The following CAMK2D variants were observed in gnomAD, a reference collection of about 807,000 sequenced individuals.
CAMK2D encodes the protein calcium/calmodulin-dependent protein kinase type II subunit delta.
In CAMK2D, 37 loss-of-function variants were observed where a neutral mutation model predicts 84.0. The observed-to-expected ratio is 0.44, with a 90% CI of 0.34 to 0.58. The LOEUF is 0.58. CAMK2D is among the 20% of genes least tolerant of loss of function. CAMK2D has a pLI of 0.02. For missense variants in CAMK2D, 448 were observed against 652.5 expected (o/e 0.69, Z 3.41); for synonymous variants, 202 against 212.5 (o/e 0.95, Z 0.43).
intron 2 of CAMK2D, among the ~76,000 whole-genome samples, chr4:113,703,680 A>T (rs963912718): frequency 1.3e-5 from 2 of 152,166 alleles, no homozygotes; most frequent in Non-Finnish European, 2.9e-5. Flanking sequence ...ATTCTTTAAA[A>T]TCAAAATTTT....
intron 2 of CAMK2D, among the ~76,000 whole-genome samples, chr4:113,684,980 C>G (rs1475923680): frequency 6.6e-6 from 1 of 152,176 alleles, no homozygotes; most frequent in Non-Finnish European, 1.5e-5. Flanking sequence ...GAGCTGGCAG[C>G]AGATGACCAG....
chr4:113,497,381 T>C (rs1419677514), intron 16 of CAMK2D, among the ~76,000 whole-genome samples: 1 of 152,158 alleles, frequency 6.6e-6, no homozygotes, highest in Non-Finnish European at 1.5e-5. Context: ...AATTCAAAAG[T>C]ATTACACAGA....
At chr4:113,508,326 A>G (rs1472648587) in intron 13 of CAMK2D, 1 of 1,199,158 alleles carries the variant, frequency 8.3e-7, no homozygotes. Context: ...GGTTGAATTT[A>G]GAGTATCAAA....
rs910560851 is a variant in CAMK2D at position 113,512,867 on chromosome 4, G to A, written c.946+461C>T. 3.8e-4 allele frequency among the ~76,000 whole-genome samples: 58 copies of A among 152,128 alleles called. 1 individual carries two copies. The highest frequency in any genetic ancestry group is 2.7e-3 in the Admixed American group (41 of 15,272). ...ATTACAGGCGTGAGCCACCACGCCC[G>A]GCCAATAATGGTCTTCTTTTAAAAA... is the stretch of plus-strand genomic sequence containing the variant. On this transcript the variant is annotated intron_variant, in intron 12 of 20. Transcript: ENST00000511664.
At chr4:113,567,877 T>C (rs193028407) in intron 4 of CAMK2D, among the ~76,000 whole-genome samples, 33 of 152,310 alleles carry the variant, frequency 2.2e-4, no homozygotes, top group Middle Eastern at 6.8e-3. Flanking sequence ...TTATAATTAT[T>C]ATTGCTTCAA....
intron 2 of CAMK2D, among the ~76,000 whole-genome samples, chr4:113,707,979 A>AT (rs1173357287): frequency 2.6e-5 from 4 of 152,128 alleles, no homozygotes; most frequent in Non-Finnish European, 5.9e-5. Flanking sequence ...AAGATTTTGA[A>AT]TTTTCCAAAA....
At chr4:113,709,497 G>A (rs530718790) in intron 2 of CAMK2D, among the ~76,000 whole-genome samples, 11 of 151,424 alleles carry the variant, frequency 7.3e-5, no homozygotes, top group South Asian at 4.2e-4. Context: ...ATGGGTATAC[G>A]TACTTAGAAG....
In CAMK2D at chr4:113,587,304, AG is replaced by A. The variant is rs201625875; in HGVS notation, c.275+21847del. Among the ~76,000 whole-genome samples the A allele has an allele frequency of 7.7e-3, 1,167 of 152,330 alleles. 17 individuals are homozygous for A. The highest frequency in any genetic ancestry group is 0.026 in the African/African-American group (1,090 of 41,586). On this transcript the variant is annotated intron_variant, in intron 4 of 20. Coordinates refer to ENST00000511664, the MANE Select transcript of CAMK2D (RefSeq NM_001321571.2). ...ACAAATGTTCACTCTTATTAAGGCC[AG>A]ACATTCTTTTACAAAATCAAAATGA...
chr4:113,501,561 A>G (rs1342682780), intron 15 of CAMK2D, among the ~76,000 whole-genome samples: 2 of 152,100 alleles, frequency 1.3e-5, no homozygotes, highest in African/African-American at 4.8e-5. Flanking sequence ...TAAATATCAT[A>G]TACAATATTT....
chr4:113,615,653 A>G (rs941319523), intron 3 of CAMK2D, among the ~76,000 whole-genome samples: 7 of 152,186 alleles, frequency 4.6e-5, no homozygotes, highest in Non-Finnish European at 1.0e-4. Context: ...TAACTTGAGT[A>G]CATTAGAAAA....
At chr4:113,605,000 G>C (rs915393643) in intron 4 of CAMK2D, among the ~76,000 whole-genome samples, 13 of 152,178 alleles carry the variant, frequency 8.5e-5, no homozygotes, top group African/African-American at 2.9e-4. Flanking sequence ...TTGGCATAAG[G>C]ATTATTTTGA....
intron 16 of CAMK2D, among the ~76,000 whole-genome samples, chr4:113,478,388 T>C (rs555246087): frequency 4.6e-5 from 7 of 152,224 alleles, no homozygotes; most frequent in Non-Finnish European, 1.0e-4. Context: ...TTGTTAGTTT[T>C]ATTCTCAGTG....
At chr4:113,706,540 T>C (rs763923591) in intron 2 of CAMK2D, among the ~76,000 whole-genome samples, 1 of 152,162 alleles carries the variant, frequency 6.6e-6, no homozygotes, top group African/African-American at 2.4e-5. Flanking sequence ...ATAAACTATA[T>C]AGGCTCTGAA....
rs934858416 is a variant in CAMK2D, at chr4:113,760,988, G to A, written c.65+16C>T. On this transcript the variant is annotated intron_variant, in intron 1 of 20. Coordinates refer to ENST00000511664, the MANE Select transcript of CAMK2D (RefSeq NM_001321571.2). ...GCTGGAAAGGGGATATGCGGATGCCGGGCAAAGGTGCTTACTTTCCAAGCT... is the reference window on the plus strand; with the variant it reads ...GCTGGAAAGGGGATATGCGGATGCCAGGCAAAGGTGCTTACTTTCCAAGCT... 20 of 1,614,122 alleles carry A rather than the reference G, an allele frequency of 1.2e-5. No individual in the cohort carries two copies. Among genetic ancestry groups the A allele is most frequent in the Middle Eastern group, 1.7e-4 (1 of 6,058 alleles).
intron 2 of CAMK2D, among the ~76,000 whole-genome samples, chr4:113,694,875 G>A (rs2099398271): frequency 6.6e-6 from 1 of 152,068 alleles, no homozygotes; most frequent in African/African-American, 2.4e-5. Context: ...GAAACTTTTA[G>A]TAATATTTCT....
chr4:113,641,399 A>T (rs2099131684), intron 3 of CAMK2D, among the ~76,000 whole-genome samples: 2 of 152,268 alleles, frequency 1.3e-5, no homozygotes, highest in African/African-American at 4.8e-5. Flanking sequence ...AATTAAAAAC[A>T]CTTGATATAA....
intron 2 of CAMK2D, among the ~76,000 whole-genome samples, chr4:113,681,980 AC>A (rs1382066783): frequency 6.6e-6 from 1 of 152,132 alleles, no homozygotes; most frequent in African/African-American, 2.4e-5. Context: ...GACATTCTCT[AC>A]CAAAATATAC....
At position 113,457,348 on chromosome 4, in the gene CAMK2D, T is replaced by C. The variant is rs776173852; in HGVS notation, c.1522A>G (p.Thr508Ala). 10 of 1,613,732 alleles carry C rather than the reference T, an allele frequency of 6.2e-6. No homozygotes were observed. The South Asian group carries it at 8.8e-5, about 14-fold the overall frequency. ...GGAAATATTTACTTGATGGGTACTG[T>C]TGGTGACCCCGAGCGATGAAAATGA... ...NVHFHRSGSP[T>A]VPIKPPCIPN... The change falls in exon 19 of 21, where the codon ACA becomes GCA. Residue 508 changes from threonine (T) to alanine (A), a missense_variant. By Grantham distance (58) the Thr-to-Ala change is moderately conservative. Transcript: ENST00000511664.
chr4:113,702,202 G>A (rs1315675590), intron 2 of CAMK2D, among the ~76,000 whole-genome samples: 1 of 152,172 alleles, frequency 6.6e-6, no homozygotes, highest in Non-Finnish European at 1.5e-5. Context: ...TCACTAGAGT[G>A]TAAGATGCTA....
Sources: gnomAD v4.1 joint callset for allele counts (sites outside exome capture counted in the v4.1 genomes callset) on GRCh38, gnomAD v4.1.1 for gene constraint, MANE v1.5 for transcripts, NCBI Gene and HGNC (gene_info 2026-07-23, HGNC 2026-07-21) for gene names.